The following DEAF1 variants were observed in gnomAD, a reference collection of about 807,000 sequenced individuals.
DEAF1 encodes DEAF1 transcription factor.
In DEAF1, 53 loss-of-function variants were observed where a neutral mutation model predicts 58.9. The ratio of observed to expected loss-of-function variants is 0.90; its 90% CI spans 0.72 to 1.13. DEAF1 has a LOEUF of 1.13. DEAF1 is among the 50% of genes most tolerant of loss of function. The pLI is 0.00. For missense variants in DEAF1, 685 were observed against 791.4 expected (o/e 0.87, Z 1.61); for synonymous variants, 385 against 340.4 (o/e 1.13, Z -1.44).
At chr11:685,709 AT>A (rs1292927381) in intron 5 of DEAF1, among the ~76,000 whole-genome samples, 4 of 151,936 alleles carry the variant, frequency 2.6e-5, no homozygotes, top group Non-Finnish European at 5.9e-5. Context: ...AAAAAAAAAA[AT>A]TGTGAGAAAT....
intron 5 of DEAF1, among the ~76,000 whole-genome samples, chr11:686,631 C>A (rs191380477): frequency 6.8e-4 from 103 of 152,328 alleles, no homozygotes; most frequent in African/African-American, 2.4e-3. Context: ...ATGCACTTCT[C>A]CCAACAATCC....
At chr11:690,923 T>G (rs1246247786) in intron 2 of DEAF1, among the ~76,000 whole-genome samples, 1 of 152,214 alleles carries the variant, frequency 6.6e-6, no homozygotes, top group Non-Finnish European at 1.5e-5. Flanking sequence ...TTGCCTGCCC[T>G]GGTTGACCAG....
chr11:681,184 TGA>T (rs1264213053), intron 6 of DEAF1, 95 bp from the exon 7 acceptor site: 1 of 1,548,656 alleles, frequency 6.5e-7, no homozygotes. Flanking sequence ...GCGGGGTGTG[TGA>T]GTCACATGGT....
intron 7 of DEAF1, 130 bp from the exon 8 acceptor site, chr11:679,946 C>A: frequency 7.7e-7 from 1 of 1,291,768 alleles, no homozygotes; most frequent in African/African-American, 1.5e-5. Flanking sequence ...ACTGTACCCT[C>A]CCATGTGAAG....
chr11:685,082 CTTTTTTTTT>C (rs55670454), intron 5 of DEAF1, 119 bp from the exon 6 acceptor site: 3 of 357,428 alleles, frequency 8.4e-6, no homozygotes, highest in East Asian at 7.7e-5. Flanking sequence ...TATAAAAATT[CTTTTTTTTT>C]TTTTTTTTTT....
At chr11:684,277 G>T (rs563454369) in intron 6 of DEAF1, among the ~76,000 whole-genome samples, 1 of 152,278 alleles carries the variant, frequency 6.6e-6, no homozygotes, top group African/African-American at 2.4e-5. Context: ...AATTAGCTGG[G>T]CATTGTGGCA....
chr11:681,185 G>A, intron 6 of DEAF1, 96 bp from the exon 7 acceptor site: 1 of 1,543,662 alleles, frequency 6.5e-7, no homozygotes. Context: ...CGGGGTGTGT[G>A]AGTCACATGG....
At chr11:653,783 CAT>C (rs1469369678) in intron 11 of DEAF1, among the ~76,000 whole-genome samples, 177 bp downstream of exon 11, 1 of 152,298 alleles carries the variant, frequency 6.6e-6, no homozygotes, top group East Asian at 1.9e-4. Flanking sequence ...GGCCATGTCA[CAT>C]GTGAGCCTTC....
At chr11:689,059 C>T (rs12806788) in intron 2 of DEAF1, among the ~76,000 whole-genome samples, 79 of 152,338 alleles carry the variant, frequency 5.2e-4, no homozygotes, top group African/African-American at 1.5e-3. Flanking sequence ...GGCCTGCAGG[C>T]TCTGTTCACC....
intron 11 of DEAF1, among the ~76,000 whole-genome samples, chr11:651,794 G>A (rs1314150024): frequency 1.3e-5 from 2 of 152,236 alleles, no homozygotes; most frequent in Non-Finnish European, 2.9e-5. Flanking sequence ...GCTGAGGCAG[G>A]AGAATGGCGT....
chr11:706,004 A>AGGGCTG (rs1564966430), intron 1 of DEAF1: 2 of 152,238 alleles, frequency 1.3e-5, no homozygotes, highest in Non-Finnish European at 2.9e-5. Context: ...GAGGACGCAG[A>AGGGCTG]GGGCTGGGGC....
At position 679,674 on chromosome 11, in the gene DEAF1, C is replaced by T; in HGVS notation, c.1126+14G>A. On this transcript the variant is annotated intron_variant, in intron 8 of 11. Coordinates refer to ENST00000382409, the MANE Select transcript of DEAF1 (RefSeq NM_021008.4). ...ATGCTGAGGACGCGTCAGGCAGGCA[C>T]TGGAGCAGCTCACCTGTGGCCCCTG... The T allele has an allele frequency of 1.2e-6, 2 of 1,610,536 alleles. No individual in the cohort carries two copies. Among genetic ancestry groups the T allele is most frequent in the Non-Finnish European group, 1.7e-6 (2 of 1,180,020 alleles).
At chr11:701,081 GAGTT>G in intron 1 of DEAF1, 1 of 267,462 alleles carries the variant, frequency 3.7e-6, no homozygotes, top group Non-Finnish European at 7.4e-6. Flanking sequence ...GAGCCCTGGA[GAGTT>G]CTGCCAGGTC....
Position 644,608 on chromosome 11 carries a change from G to A in DEAF1, c.1640C>T (p.Thr547Ile), listed in dbSNP as rs111947578. ...CACGTGGACTTCGTCTGCCTGGACG[G>A]TGACAGCTGCTGACTGGCCGCATAT... is the stretch of plus-strand genomic sequence containing the variant. ...QHICGQSAAV[T>I]VQADEVHVAE... The change falls in exon 12 of 12, where the codon ACC (threonine) becomes ATC (isoleucine). Residue 547 changes from threonine (T) to isoleucine (I), a missense_variant. Thr to Ile is a moderately conservative substitution (Grantham distance 89). This residue lies in a region of DEAF1 where 343 missense variants were observed against 379.8 expected (regional missense o/e 0.90). Coordinates refer to ENST00000382409, the MANE Select transcript of DEAF1 (RefSeq NM_021008.4). This position sits in a 1 kb window ranked among gnomAD's most constrained non-coding sequence, Gnocchi z 4.3. 2 of 1,613,024 alleles carry A rather than the reference G, an allele frequency of 1.2e-6. No homozygotes were observed. The highest frequency in any genetic ancestry group is 1.7e-6 in the Non-Finnish European group (2 of 1,179,946).
At chr11:705,099 C>T (rs1368153013) in intron 1 of DEAF1, 2 of 208,316 alleles carry the variant, frequency 9.6e-6, no homozygotes, top group Non-Finnish European at 9.9e-6. Context: ...CCTGCCAGCC[C>T]TCCACCGAGC....
chr11:699,873 ACAGT>A, upstream of DEAF1: 1 of 443,708 alleles, frequency 2.3e-6, no homozygotes, highest in Non-Finnish European at 4.0e-6. Context: ...AGTCCTGTCC[ACAGT>A]CAGGAGGGCA....
chr11:679,479 C>T (rs574663634), intron 8 of DEAF1, among the ~76,000 whole-genome samples: 3 of 152,230 alleles, frequency 2.0e-5, no homozygotes, highest in Non-Finnish European at 4.4e-5. Flanking sequence ...TGGCATCTGT[C>T]ACAAGTAACC....
chr11:670,862 C>G (rs569419216), intron 10 of DEAF1, among the ~76,000 whole-genome samples: 2 of 142,562 alleles, frequency 1.4e-5, no homozygotes, highest in Admixed American at 7.1e-5. Flanking sequence ...ACTGCAACAT[C>G]AACCTCCTAG....
intron 11 of DEAF1, among the ~76,000 whole-genome samples, chr11:645,106 G>GGAGCCGA (rs965325526): frequency 6.6e-6 from 1 of 150,690 alleles, no homozygotes; most frequent in African/African-American, 2.4e-5. Context: ...GAGGTTGCAG[G>GGAGCCGA]GAGCCGAGAT....
Sources: allele counts gnomAD v4.1 joint callset (sites outside exome capture counted in the v4.1 genomes callset), GRCh38; gene constraint gnomAD v4.1.1; regional missense constraint gnomAD v4.1.1; non-coding constraint Gnocchi (gnomAD v3.1); transcripts MANE v1.5; gene names NCBI Gene and HGNC (gene_info 2026-07-23, HGNC 2026-07-21).